Variants in NOL10 observed in about 807,000 individuals in gnomAD.
NOL10 encodes the protein H_NH0074G24.1.
A neutral mutation model predicts 103.5 loss-of-function variants in NOL10; 58 were observed. The ratio of observed to expected loss-of-function variants is 0.56; its 90% CI spans 0.45 to 0.70. The LOEUF is 0.70. Ranked by LOEUF, NOL10 falls within the 30% of genes least tolerant of loss-of-function variation. The probability of loss-of-function intolerance (pLI) is 0.00; values close to 1 mark genes in which losing one functional copy is unlikely to be tolerated. For synonymous variants in NOL10, 287 were observed against 282.5 expected, an observed-to-expected ratio of 1.02 and a Z score of -0.16; for missense variants, 763 against 807.3, an observed-to-expected ratio of 0.95 and a Z score of 0.67.
chr2:10,680,762 A>G (rs1012714267), intron 3 of NOL10, among the ~76,000 whole-genome samples: 15 of 152,228 alleles, frequency 9.9e-5, no homozygotes, highest in African/African-American at 3.6e-4. Context: ...GTGGTTGGAA[A>G]AGGAATACTG....
rs143785481 is a variant in NOL10 at position 10,584,488 on chromosome 2, G to A, written c.1844+4555C>T. Among the ~76,000 whole-genome samples, 131 of 141,528 alleles carry A rather than the reference G, an allele frequency of 9.3e-4. 1 individual carries two copies. In the East Asian group the frequency reaches 0.022, roughly 24 times the overall value. The allele number at this position is 141,528 out of a possible 152,430, so 92.8% of individuals were successfully genotyped here. A position where few individuals can be genotyped will look rare whatever the true frequency, so the allele number is the denominator to read the frequency against. On this transcript the variant is annotated intron_variant, in intron 19 of 20. Coordinates refer to ENST00000381685, the MANE Select transcript of NOL10 (RefSeq NM_024894.4). ...ACTCAAGTCTCCAGCTACCATTCAC[G>A]ATCCACCTTTCCCTTTATAGAAACA... is the stretch of plus-strand genomic sequence containing the variant.
At chr2:10,585,313 G>C (rs1377631769) in intron 19 of NOL10, among the ~76,000 whole-genome samples, 8 of 152,328 alleles carry the variant, frequency 5.3e-5, no homozygotes, top group African/African-American at 1.9e-4. Context: ...CATAACAGCT[G>C]TATAAAAAGT....
chr2:10,660,137 T>A (rs1303154081), intron 9 of NOL10, among the ~76,000 whole-genome samples: 1 of 152,198 alleles, frequency 6.6e-6, no homozygotes, highest in Non-Finnish European at 1.5e-5. Context: ...GGCTGTTGGC[T>A]GTCGGCATCA....
At chr2:10,677,781 AG>A (rs1355685370) in intron 3 of NOL10, among the ~76,000 whole-genome samples, 1 of 152,110 alleles carries the variant, frequency 6.6e-6, no homozygotes, top group East Asian at 1.9e-4. Flanking sequence ...CTTAAAAAAG[AG>A]AAGTTTAAAA....
intron 13 of NOL10, among the ~76,000 whole-genome samples, chr2:10,621,545 G>A (rs568539964): frequency 1.3e-5 from 2 of 152,268 alleles, no homozygotes; most frequent in Non-Finnish European, 2.9e-5. Flanking sequence ...AGTGAGCTGT[G>A]ATCAGGACAC....
chr2:10,629,493 G>A (rs1677696119), intron 13 of NOL10, among the ~76,000 whole-genome samples: 1 of 152,110 alleles, frequency 6.6e-6, no homozygotes, highest in East Asian at 1.9e-4. Context: ...ACAGCAAAAT[G>A]TTAATGTTTG....
chr2:10,647,803 G>T (rs972366727), intron 12 of NOL10, among the ~76,000 whole-genome samples: 1 of 152,200 alleles, frequency 6.6e-6, no homozygotes, highest in Non-Finnish European at 1.5e-5. Flanking sequence ...GGAATAAAAG[G>T]CTATTTCACA....
intron 20 of NOL10, among the ~76,000 whole-genome samples, chr2:10,576,467 T>TA (rs1479313117): frequency 3.3e-5 from 5 of 152,116 alleles, no homozygotes; most frequent in Admixed American, 3.3e-4. Flanking sequence ...CCGTGTCCCT[T>TA]AAAAAACGAA....
intron 6 of NOL10, among the ~76,000 whole-genome samples, 178 bp from the exon 7 acceptor site, chr2:10,668,901 G>T (rs1680728229): frequency 6.6e-6 from 1 of 151,998 alleles, no homozygotes; most frequent in South Asian, 2.1e-4. Flanking sequence ...ATGTATAAAA[G>T]TGATTTAAAC....
chr2:10,645,967 A>ACC (rs1553308351), intron 12 of NOL10, among the ~76,000 whole-genome samples: 1,892 of 150,536 alleles, frequency 0.013, 49 homozygotes, highest in African/African-American at 0.044. Context: ...ACACACACAC[A>ACC]CCCCGTAAAA....
rs1195097901 is a variant in NOL10 at position 10,571,238 on chromosome 2, T to G, written c.*833A>C. The G allele has an allele frequency of 2.0e-5, 3 of 152,192 alleles. No homozygotes were observed. The highest frequency in any genetic ancestry group is 7.2e-5 in the African/African-American group (3 of 41,422). 9.4% of individuals were successfully genotyped at this position (152,192 alleles called of 1,614,324 possible). A position where few individuals can be genotyped will look rare whatever the true frequency, so the allele number is the denominator to read the frequency against. The stretch of plus-strand genomic sequence containing the variant: ...TAGTGAGTTCTTGGAGATCTGGTGT[T>G]TGAAAGTGTGCAGCATCTGCCCCTT... On this transcript the variant is annotated 3_prime_UTR_variant, in exon 21 of 21. Transcript: ENST00000381685.
intron 19 of NOL10, among the ~76,000 whole-genome samples, chr2:10,578,268 C>A (rs375274640): frequency 1.8e-4 from 28 of 152,232 alleles, no homozygotes; most frequent in African/African-American, 6.5e-4. Context: ...GTCTTAACTC[C>A]GTAGACTGCA....
intron 1 of NOL10, among the ~76,000 whole-genome samples, chr2:10,687,881 A>T (rs576884334): frequency 3.1e-4 from 47 of 152,160 alleles, no homozygotes; most frequent in Non-Finnish European, 5.9e-4. Context: ...TGAACCCGAG[A>T]GGTTGCAGTG....
At chr2:10,675,087 T>C (rs1026109407) in intron 4 of NOL10, among the ~76,000 whole-genome samples, 2 of 151,948 alleles carry the variant, frequency 1.3e-5, no homozygotes, top group Non-Finnish European at 2.9e-5. Flanking sequence ...TCTGTAGTTC[T>C]AGCTACTTGG....
chr2:10,582,905 T>C (rs966196561), intron 19 of NOL10, among the ~76,000 whole-genome samples: 2 of 152,242 alleles, frequency 1.3e-5, no homozygotes, highest in Non-Finnish European at 2.9e-5. Flanking sequence ...ACCAAACTTC[T>C]TGAAAGACTC....
At chr2:10,578,934 A>G (rs367989763) in intron 19 of NOL10, among the ~76,000 whole-genome samples, 7 of 152,308 alleles carry the variant, frequency 4.6e-5, no homozygotes, top group Admixed American at 3.9e-4. Flanking sequence ...ATCAAATTCA[A>G]TGCAGCCCTT....
At chr2:10,618,999 C>T (rs1233454682) in intron 13 of NOL10, among the ~76,000 whole-genome samples, 3 of 152,198 alleles carry the variant, frequency 2.0e-5, no homozygotes, top group Non-Finnish European at 4.4e-5. Context: ...ACTAAATTCA[C>T]GTACCTAACG....
intron 14 of NOL10, 71 bp from the exon 15 acceptor site, chr2:10,603,228 G>T: frequency 8.9e-7 from 1 of 1,120,756 alleles, no homozygotes. Flanking sequence ...TTTTTCTTGG[G>T]CAACAATTTG....
At chr2:10,581,394 T>A (rs1674745958) in intron 19 of NOL10, among the ~76,000 whole-genome samples, 1 of 112,808 alleles carries the variant, frequency 8.9e-6, no homozygotes, top group African/African-American at 4.1e-5. Context: ...AGCAGCAACC[T>A]CAACACCCAT....
Sources: gnomAD v4.1 joint callset for allele counts (sites outside exome capture counted in the v4.1 genomes callset) on GRCh38, gnomAD v4.1.1 for gene constraint, MANE v1.5 for transcripts, NCBI Gene and HGNC (gene_info 2026-07-23, HGNC 2026-07-21) for gene names.